Variants in CACNB2 observed in about 807,000 individuals in gnomAD.
CACNB2 encodes calcium voltage-gated channel auxiliary subunit beta 2.
CACNB2 carries 42 observed loss-of-function variants against 73.3 expected under a neutral mutation model. The observed-to-expected ratio is 0.57, with a 90% CI of 0.45 to 0.74. The LOEUF is 0.74. Ranked by LOEUF, CACNB2 falls within the 30% of genes least tolerant of loss-of-function variation. CACNB2 has a pLI of 0.00. For synonymous variants in CACNB2, 348 were observed against 310.3 expected, an observed-to-expected ratio of 1.12 and a Z score of -1.28; for missense variants, 940 against 853.0, an observed-to-expected ratio of 1.10 and a Z score of -1.27.
At chr10:18,146,861 G>A (rs535492736) in intron 1 of CACNB2, among the ~76,000 whole-genome samples, 8 of 152,268 alleles carry the variant, frequency 5.3e-5, no homozygotes, top group Admixed American at 2.0e-4. Context: ...GACCTCAGGT[G>A]GTCCACCCAC....
chr10:18,140,715 G>C lies in CACNB2; in HGVS notation c.-22G>C. 6.3e-7 allele frequency: 1 copy of C among 1,582,640 alleles called. No individual in the cohort carries two copies. Among genetic ancestry groups the C allele is most frequent in the Non-Finnish European group, 8.6e-7 (1 of 1,165,568 alleles). On this transcript the variant is annotated 5_prime_UTR_variant, in exon 1 of 14. Coordinates refer to ENST00000324631, the MANE Select transcript of CACNB2 (RefSeq NM_201596.3). ...CCCGCCGCCGGGGGCTGGCTGCTTC[G>C]CTCCGAGCCGACTTTTCGCCAATGG...
At chr10:18,333,570 G>A (rs2040886132) in intron 2 of CACNB2, among the ~76,000 whole-genome samples, 1 of 151,710 alleles carries the variant, frequency 6.6e-6, no homozygotes, top group Admixed American at 6.6e-5. Context: ...TTTATTTTTT[G>A]AGAAAAGCAT....
chr10:18,220,232 T>TATAGAGAGAGAG (rs1488872721), intron 2 of CACNB2, among the ~76,000 whole-genome samples: 2 of 25,094 alleles, frequency 8.0e-5, no homozygotes, highest in Non-Finnish European at 1.2e-4. Context: ...TATATATATA[T>TATAGAGAGAGAG]AGAGAGAGAG....
At chr10:18,266,516 G>GTT (rs59495303) in intron 2 of CACNB2, among the ~76,000 whole-genome samples, 1 of 147,724 alleles carries the variant, frequency 6.8e-6, no homozygotes, top group Non-Finnish European at 1.5e-5. Flanking sequence ...AGGTAGTATA[G>GTT]TTTTTTTTTT....
At chr10:18,504,113 A>C (rs2050357600) in intron 5 of CACNB2, among the ~76,000 whole-genome samples, 1 of 152,234 alleles carries the variant, frequency 6.6e-6, no homozygotes, top group East Asian at 1.9e-4. Flanking sequence ...TGAGAAATGT[A>C]GTCTCCTGTG....
chr10:18,522,190 T>C (rs2051962895), intron 9 of CACNB2, among the ~76,000 whole-genome samples: 1 of 152,008 alleles, frequency 6.6e-6, no homozygotes, highest in Admixed American at 6.6e-5. Flanking sequence ...TAAAGGACCA[T>C]CTAGTTGCAG....
intron 9 of CACNB2, among the ~76,000 whole-genome samples, chr10:18,524,714 G>A (rs2052287784): frequency 6.7e-6 from 1 of 148,198 alleles, no homozygotes; most frequent in Non-Finnish European, 1.5e-5. Context: ...TGGAAACCAC[G>A]AGGAAAATAC....
chr10:18,272,348 C>A (rs2038089772), intron 2 of CACNB2, among the ~76,000 whole-genome samples: 1 of 152,132 alleles, frequency 6.6e-6, no homozygotes, highest in Non-Finnish European at 1.5e-5. Context: ...GATGTGGGAT[C>A]TCTCCCTTCC....
At chr10:18,426,918 A>C (rs146809590) in intron 3 of CACNB2, among the ~76,000 whole-genome samples, 5 of 148,280 alleles carry the variant, frequency 3.4e-5, no homozygotes, top group Admixed American at 1.3e-4. Context: ...AAAAATTATG[A>C]ATTGGTACTG....
At chr10:18,243,897 T>C (rs762622957) in intron 2 of CACNB2, among the ~76,000 whole-genome samples, 1 of 152,200 alleles carries the variant, frequency 6.6e-6, no homozygotes, top group South Asian at 2.1e-4. Flanking sequence ...GTTATAGCCA[T>C]GGCAAATGGA....
At chr10:18,265,847 A>G (rs1046170775) in intron 2 of CACNB2, among the ~76,000 whole-genome samples, 6 of 152,210 alleles carry the variant, frequency 3.9e-5, no homozygotes, top group Non-Finnish European at 8.8e-5. Flanking sequence ...ATCATGAAGC[A>G]GGGGAGTTTG....
At chr10:18,379,096 G>A (rs2042915147) in intron 2 of CACNB2, among the ~76,000 whole-genome samples, 1 of 152,154 alleles carries the variant, frequency 6.6e-6, no homozygotes, top group South Asian at 2.1e-4. Flanking sequence ...GCTTACTCTT[G>A]AGTTCTCCAC....
At chr10:18,534,793 TTTGA>T (rs1237075295) in intron 11 of CACNB2, among the ~76,000 whole-genome samples, 2 of 152,240 alleles carry the variant, frequency 1.3e-5, no homozygotes, top group South Asian at 2.1e-4. Context: ...CAAGCACTGG[TTTGA>T]TTGAGTTGTG....
At chr10:18,268,168 G>T (rs556393342) in intron 2 of CACNB2, among the ~76,000 whole-genome samples, 4 of 152,172 alleles carry the variant, frequency 2.6e-5, no homozygotes, top group Admixed American at 6.5e-5. Flanking sequence ...CTTGTAAAGC[G>T]TATTGAATTA....
rs79816732 is a variant in CACNB2, at chr10:18,388,439, A to G, written c.214-13485A>G. 1.7e-4 allele frequency among the ~76,000 whole-genome samples: 26 copies of G among 152,280 alleles called. No homozygotes were observed. In the East Asian group the frequency reaches 5.0e-3, roughly 29 times the overall value. On this transcript the variant is annotated intron_variant, in intron 2 of 13. Transcript: ENST00000324631. ...CCTCCTGAAGGTGGGTTTGCTGCTT[A>G]AGGGATACATTAACTATATTAGGTC...
intron 2 of CACNB2, among the ~76,000 whole-genome samples, chr10:18,272,707 C>T (rs534018670): frequency 9.2e-5 from 14 of 152,318 alleles, no homozygotes; most frequent in Admixed American, 2.0e-4. Flanking sequence ...CCCTCTTATC[C>T]GCCGCCATGT....
At chr10:18,262,942 T>C (rs943112902) in intron 2 of CACNB2, among the ~76,000 whole-genome samples, 3 of 152,222 alleles carry the variant, frequency 2.0e-5, no homozygotes, top group African/African-American at 7.2e-5. Flanking sequence ...TACAGAGACT[T>C]GGTTCATCTG....
At chr10:18,225,285 C>T (rs553882281) in intron 2 of CACNB2, among the ~76,000 whole-genome samples, 11 of 152,162 alleles carry the variant, frequency 7.2e-5, no homozygotes, top group African/African-American at 2.4e-4. Context: ...CAGGGCTAAG[C>T]AGCTTAAAAA....
chr10:18,210,005 T>G (rs1159629325), intron 2 of CACNB2, among the ~76,000 whole-genome samples: 1 of 152,160 alleles, frequency 6.6e-6, no homozygotes, highest in African/African-American at 2.4e-5. Context: ...ACTGGGCCCT[T>G]AAGACTAATT....
Sources: gnomAD v4.1 joint callset for allele counts (sites outside exome capture counted in the v4.1 genomes callset) on GRCh38, gnomAD v4.1.1 for gene constraint, MANE v1.5 for transcripts, NCBI Gene and HGNC (gene_info 2026-07-23, HGNC 2026-07-21) for gene names.